CNTNAP5: variants seen among roughly 807,000 people sequenced by gnomAD.
CNTNAP5 encodes contactin associated protein family member 5, also known as contactin-associated protein-like 5.
A neutral mutation model predicts 150.2 loss-of-function variants in CNTNAP5; 72 were observed. The observed-to-expected ratio is 0.48, with a 90% confidence interval of 0.40 to 0.58. The LOEUF is 0.58. CNTNAP5 is among the 20% of genes least tolerant of loss of function. The pLI is 0.00. For synonymous variants in CNTNAP5, 672 were observed against 619.8 expected, an observed-to-expected ratio of 1.08 and a Z score of -1.25; for missense variants, 1,636 against 1,626.2, an observed-to-expected ratio of 1.01 and a Z score of -0.10.
intron 5 of CNTNAP5, among the ~76,000 whole-genome samples, chr2:124,435,345 C>G (rs1054840267): frequency 3.3e-5 from 5 of 152,192 alleles, no homozygotes; most frequent in African/African-American, 1.2e-4. Context: ...TTCATTGTCA[C>G]CAACTTCTTA....
intron 2 of CNTNAP5, among the ~76,000 whole-genome samples, chr2:124,240,292 C>T (rs776657198): frequency 6.6e-6 from 1 of 152,172 alleles, no homozygotes; most frequent in African/African-American, 2.4e-5. Context: ...TCTTTCCATA[C>T]TGTGATTCTG....
At chr2:124,882,347 G>A (rs76262980) in intron 21 of CNTNAP5, among the ~76,000 whole-genome samples, 16 of 152,080 alleles carry the variant, frequency 1.1e-4, no homozygotes, top group Non-Finnish European at 1.6e-4. Flanking sequence ...TGACAGGAGG[G>A]GGGTGTGGGA....
chr2:124,148,525 CATATTATATATATACATATTATATATA>C (rs1300324009), intron 1 of CNTNAP5, among the ~76,000 whole-genome samples: 1 of 144,578 alleles, frequency 6.9e-6, no homozygotes, highest in East Asian at 2.0e-4. Flanking sequence ...ATAATATATA[CATATTATATATATACATATTATATATA>C]ATATGTATAT....
At chr2:124,674,788 C>T (rs1678904437) in intron 13 of CNTNAP5, among the ~76,000 whole-genome samples, 1 of 150,734 alleles carries the variant, frequency 6.6e-6, no homozygotes, top group Non-Finnish European at 1.5e-5. Flanking sequence ...TATTTGTAAC[C>T]TTTTCAAGTT....
At chr2:124,258,606 C>T (rs545881472) in intron 3 of CNTNAP5, among the ~76,000 whole-genome samples, 31 of 152,086 alleles carry the variant, frequency 2.0e-4, no homozygotes, top group Admixed American at 4.6e-4. Flanking sequence ...GCCAGATGTA[C>T]GCTATGGTAA....
At chr2:124,444,700 G>C (rs1692767876) in intron 5 of CNTNAP5, among the ~76,000 whole-genome samples, 2 of 152,188 alleles carry the variant, frequency 1.3e-5, no homozygotes, top group East Asian at 3.9e-4. Flanking sequence ...TAAACTGTGT[G>C]ACCTAGCCTA....
At chr2:124,839,586 C>A (rs542222148) in intron 19 of CNTNAP5, among the ~76,000 whole-genome samples, 3 of 152,144 alleles carry the variant, frequency 2.0e-5, no homozygotes, top group Admixed American at 1.3e-4. Context: ...TACCCTGGGG[C>A]ATCCCTTCAT....
chr2:124,266,293 C>G (rs766021010), intron 3 of CNTNAP5, among the ~76,000 whole-genome samples: 7 of 152,136 alleles, frequency 4.6e-5, no homozygotes, highest in Admixed American at 6.5e-5. Flanking sequence ...TTCTAGTCTA[C>G]AGGACTACAC....
intron 12 of CNTNAP5, among the ~76,000 whole-genome samples, chr2:124,632,788 A>G (rs1168927284): frequency 1.3e-5 from 2 of 152,130 alleles, no homozygotes; most frequent in Non-Finnish European, 2.9e-5. Context: ...TCATTGGCTC[A>G]TAGTTCCACA....
At chr2:124,751,927 C>T (rs1247958497) in intron 14 of CNTNAP5, among the ~76,000 whole-genome samples, 2 of 151,906 alleles carry the variant, frequency 1.3e-5, no homozygotes, top group African/African-American at 4.8e-5. Flanking sequence ...ATTTCTTTTC[C>T]CCAGAAAAAA....
rs1010330500 is a variant in CNTNAP5 at position 124,918,938 on chromosome 2, A to G, written c.*4650A>G. Among the ~76,000 whole-genome samples the G allele has an allele frequency of 1.3e-5, 2 of 152,112 alleles. No individual in the cohort carries two copies. The highest frequency in any genetic ancestry group is 2.9e-5 in the Non-Finnish European group (2 of 67,996). Reference sequence around the variant, plus strand: ...GCAGTTTGAACATGTTTTCTTTAAAATACACATAATGTAATTGAATTATTT... The same window carrying G: ...GCAGTTTGAACATGTTTTCTTTAAAGTACACATAATGTAATTGAATTATTT... On this transcript the variant is annotated 3_prime_UTR_variant, in exon 24 of 24. Transcript: ENST00000682447.
chr2:124,356,972 T>C (rs1690028803), intron 3 of CNTNAP5, among the ~76,000 whole-genome samples: 2 of 152,078 alleles, frequency 1.3e-5, no homozygotes, highest in South Asian at 4.1e-4. Context: ...GCACCTGTTG[T>C]TTCCTGACTT....
intron 3 of CNTNAP5, among the ~76,000 whole-genome samples, chr2:124,244,439 T>C (rs1246842052): frequency 3.3e-5 from 5 of 152,054 alleles, no homozygotes; most frequent in African/African-American, 1.2e-4. Flanking sequence ...CTACCTTGCA[T>C]CCCAAACAGC....
At chr2:124,347,133 T>C (rs946828220) in intron 3 of CNTNAP5, among the ~76,000 whole-genome samples, 2 of 151,988 alleles carry the variant, frequency 1.3e-5, no homozygotes, top group African/African-American at 4.8e-5. Context: ...GATAATAAAT[T>C]TGTGTTTTCT....
intron 13 of CNTNAP5, among the ~76,000 whole-genome samples, chr2:124,737,315 G>C (rs376653743): frequency 1.3e-5 from 2 of 151,076 alleles, no homozygotes; most frequent in African/African-American, 4.9e-5. Context: ...AATTGGGAAC[G>C]ATAGCGTGAT....
At chr2:124,758,242 C>G (rs1680883147) in intron 14 of CNTNAP5, among the ~76,000 whole-genome samples, 1 of 152,076 alleles carries the variant, frequency 6.6e-6, no homozygotes, top group Admixed American at 6.6e-5. Context: ...AATGAAGACT[C>G]TTATGCTTAT....
At chr2:124,359,398 G>A (rs1365493402) in intron 3 of CNTNAP5, among the ~76,000 whole-genome samples, 2 of 151,820 alleles carry the variant, frequency 1.3e-5, no homozygotes, top group Non-Finnish European at 1.5e-5. Flanking sequence ...TGTGATGTTA[G>A]GGTGTCAATT....
intron 3 of CNTNAP5, among the ~76,000 whole-genome samples, chr2:124,316,366 C>T (rs975082605): frequency 1.3e-5 from 2 of 152,120 alleles, no homozygotes; most frequent in Non-Finnish European, 2.9e-5. Flanking sequence ...ATCTCTTTAA[C>T]TCAATTAGCA....
intron 7 of CNTNAP5, among the ~76,000 whole-genome samples, chr2:124,493,953 GA>G (rs1694088278): frequency 1.0e-5 from 1 of 99,352 alleles, no homozygotes; most frequent in Non-Finnish European, 2.2e-5. Flanking sequence ...GGAGACAAAA[GA>G]AAACCATAAA....
Sources: allele counts gnomAD v4.1 joint callset (sites outside exome capture counted in the v4.1 genomes callset), GRCh38; gene constraint gnomAD v4.1.1; transcripts MANE v1.5; gene names NCBI Gene and HGNC (gene_info 2026-07-23, HGNC 2026-07-21).